The following SLC8A1 variants were observed in gnomAD, a reference collection of about 807,000 sequenced individuals.
SLC8A1 encodes the protein solute carrier family 8 member A1.
Under a neutral mutation model 68.3 loss-of-function variants are expected in SLC8A1, and 18 were observed. The observed-to-expected ratio is 0.26, with a 90% CI of 0.18 to 0.39. The LOEUF (loss-of-function observed/expected upper bound fraction) is 0.39, where lower values mean the gene tolerates loss of function less well. Among genes scored for constraint, SLC8A1 ranks in the 10% least tolerant of loss-of-function variants. The probability of loss-of-function intolerance (pLI) is 1.00; values close to 1 mark genes in which losing one functional copy is unlikely to be tolerated. For synonymous variants in SLC8A1, 475 were observed against 415.5 expected (o/e 1.14, Z -1.74); for missense variants, 985 against 1,156.7 (o/e 0.85, Z 2.15).
At chr2:40,340,342 C>G (rs931099960) in intron 2 of SLC8A1, among the ~76,000 whole-genome samples, 4 of 152,140 alleles carry the variant, frequency 2.6e-5, no homozygotes, top group East Asian at 3.9e-4. Flanking sequence ...AGGTGGATCA[C>G]TTGAGGTCAG....
At chr2:40,135,521 C>A (rs1409358813) in intron 7 of SLC8A1, among the ~76,000 whole-genome samples, 5 of 151,876 alleles carry the variant, frequency 3.3e-5, no homozygotes, top group Non-Finnish European at 4.4e-5. Flanking sequence ...AGCTTGAGAC[C>A]AGCCTGACCA....
intron 1 of SLC8A1, among the ~76,000 whole-genome samples, chr2:40,502,460 A>G (rs1706113343): frequency 6.6e-6 from 1 of 152,116 alleles, no homozygotes. Flanking sequence ...GAAAGATAGT[A>G]GATGTGCAAT....
intron 2 of SLC8A1, among the ~76,000 whole-genome samples, chr2:40,349,877 A>T (rs1471378494): frequency 6.6e-6 from 1 of 152,206 alleles, no homozygotes; most frequent in African/African-American, 2.4e-5. Flanking sequence ...TATGGTATTT[A>T]TCCATAAATA....
At chr2:40,145,485 C>T (rs1003534085) in intron 6 of SLC8A1, among the ~76,000 whole-genome samples, 7 of 152,196 alleles carry the variant, frequency 4.6e-5, no homozygotes, top group Admixed American at 3.9e-4. Context: ...GCGGATGTGT[C>T]TGACTTTCGA....
intron 2 of SLC8A1, among the ~76,000 whole-genome samples, chr2:40,212,134 A>G (rs1002500121): frequency 1.2e-4 from 18 of 152,150 alleles, no homozygotes; most frequent in African/African-American, 4.3e-4. Context: ...GAAGAGGAGG[A>G]AAAGGATTTC....
rs533066910 is a variant in SLC8A1, at chr2:40,164,817, G to C, written c.2061+37C>G. On this transcript the variant is annotated intron_variant, in intron 5 of 7. Coordinates refer to ENST00000406785, the Ensembl canonical transcript of SLC8A1. The stretch of plus-strand genomic sequence containing the variant: ...CTATGAACAGTTTCTGTCCCAAGGT[G>C]AGACTGGCTCCTGGTGGGCAGTGTT... 6 of 1,611,178 alleles carry C rather than the reference G, an allele frequency of 3.7e-6. No homozygotes were observed. In the African/African-American group the frequency reaches 8.0e-5, roughly 21 times the overall value.
intron 2 of SLC8A1, among the ~76,000 whole-genome samples, chr2:40,410,304 G>A (rs1206991673): frequency 6.6e-6 from 1 of 152,062 alleles, no homozygotes; most frequent in Non-Finnish European, 1.5e-5. Context: ...AATATGACCT[G>A]TTACTGGCCA....
chr2:40,264,660 C>T (rs924268267), intron 2 of SLC8A1, among the ~76,000 whole-genome samples: 30 of 151,972 alleles, frequency 2.0e-4, no homozygotes, highest in African/African-American at 5.1e-4. Flanking sequence ...TGAGAACACA[C>T]GGACACAGGA....
intron 7 of SLC8A1, among the ~76,000 whole-genome samples, chr2:40,130,118 T>C (rs1267952304): frequency 2.0e-5 from 3 of 152,198 alleles, no homozygotes; most frequent in Admixed American, 6.5e-5. Context: ...CCCTTAAAAG[T>C]ATTTAATAAA....
At chr2:40,277,278 C>T (rs563708951) in intron 2 of SLC8A1, among the ~76,000 whole-genome samples, 13 of 152,004 alleles carry the variant, frequency 8.6e-5, no homozygotes, top group African/African-American at 2.9e-4. Flanking sequence ...CGGTAGCTCA[C>T]GCCTATAATC....
chr2:40,442,217 A>T (rs932736021), intron 1 of SLC8A1, among the ~76,000 whole-genome samples: 2 of 151,374 alleles, frequency 1.3e-5, no homozygotes, highest in South Asian at 2.1e-4. Context: ...AAATAAAATT[A>T]AAAAAACAAA....
intron 2 of SLC8A1, among the ~76,000 whole-genome samples, chr2:40,275,620 T>C (rs1398058329): frequency 6.6e-6 from 1 of 152,172 alleles, no homozygotes; most frequent in Non-Finnish European, 1.5e-5. Flanking sequence ...TGAGCTTGAG[T>C]AACCCACAGG....
intron 2 of SLC8A1, among the ~76,000 whole-genome samples, chr2:40,333,204 C>T (rs779477032): frequency 4.6e-5 from 7 of 151,824 alleles, no homozygotes; most frequent in South Asian, 2.1e-4. Flanking sequence ...TTTGGGAGGC[C>T]AAGGCGGGCG....
chr2:40,284,475 ATATG>A lies in SLC8A1; in HGVS notation c.1809-106624_1809-106621del, dbSNP rs200704913. Among the ~76,000 whole-genome samples, 299 of 147,086 alleles carry A rather than the reference ATATG, an allele frequency of 2.0e-3. 6 individuals carry two copies. The East Asian group carries it at 0.045, about 22-fold the overall frequency. On this transcript the variant is annotated intron_variant, in intron 2 of 7. Coordinates refer to ENST00000406785, the Ensembl canonical transcript of SLC8A1. Reference sequence around the variant, plus strand: ...TATATCTATAGATATATATCTATAGATATGTATGTATACATACATATCTAGCCAA... The same window carrying A: ...TATATCTATAGATATATATCTATAGATATGTATACATACATATCTAGCCAA...
At chr2:40,141,130 C>T (rs1374639963) in intron 6 of SLC8A1, among the ~76,000 whole-genome samples, 1 of 152,130 alleles carries the variant, frequency 6.6e-6, no homozygotes, top group African/African-American at 2.4e-5. Context: ...TTTACTTGGT[C>T]CCACTAGTGC....
At chr2:40,267,363 G>A (rs2065482147) in intron 2 of SLC8A1, among the ~76,000 whole-genome samples, 1 of 152,296 alleles carries the variant, frequency 6.6e-6, no homozygotes, top group Non-Finnish European at 1.5e-5. Context: ...TAGTGAGTAA[G>A]CTTGTAACAC....
intron 2 of SLC8A1, among the ~76,000 whole-genome samples, chr2:40,281,095 A>G (rs543808176): frequency 6.6e-6 from 1 of 152,320 alleles, no homozygotes; most frequent in Admixed American, 6.5e-5. Flanking sequence ...AATGAATGAC[A>G]GTAAGATTTC....
upstream of SLC8A1, among the ~76,000 whole-genome samples, chr2:40,452,875 G>C (rs6758867): frequency 0.17 from 25,615 of 151,842 alleles, 2,263 homozygotes; most frequent in Middle Eastern, 0.26. Context: ...CGTGTGAAAG[G>C]CGTGCTGGTT....
At chr2:40,217,895 C>G (rs990174526) in intron 2 of SLC8A1, among the ~76,000 whole-genome samples, 2 of 151,878 alleles carry the variant, frequency 1.3e-5, no homozygotes, top group African/African-American at 4.8e-5. Flanking sequence ...CCATATACTT[C>G]TCTTAGATTT....
Sources: allele counts gnomAD v4.1 joint callset (sites outside exome capture counted in the v4.1 genomes callset), GRCh38; gene constraint gnomAD v4.1.1; transcripts MANE v1.5; gene names NCBI Gene and HGNC (gene_info 2026-07-23, HGNC 2026-07-21).